FKBP11: variants seen among roughly 807,000 people sequenced by gnomAD.
The protein encoded by FKBP11 is peptidyl-prolyl cis-trans isomerase FKBP11.
A neutral mutation model predicts 24.7 loss-of-function variants in FKBP11; 21 were observed. The ratio of observed to expected loss-of-function variants is 0.85; its 90% CI spans 0.60 to 1.23. The LOEUF (loss-of-function observed/expected upper bound fraction) is 1.23. FKBP11 is among the 50% of genes most tolerant of loss of function. The pLI is 0.00. For synonymous variants in FKBP11, 106 were observed against 100.6 expected, an observed-to-expected ratio of 1.05 and a Z score of -0.32; for missense variants, 245 against 248.7, an observed-to-expected ratio of 0.99 and a Z score of 0.10.
At chr12:48,924,886 A>G in intron 2 of FKBP11, 160 bp downstream of exon 2, 1 of 1,444,606 alleles carries the variant, frequency 6.9e-7, no homozygotes, top group Non-Finnish European at 9.1e-7. Flanking sequence ...GAAAAGAGGC[A>G]CGGAAGAGCA....
At chr12:48,938,654 C>T in the FKBP11 span, 1 of 434,468 alleles carries the variant, frequency 2.3e-6, no homozygotes, top group Non-Finnish European at 4.4e-6. Context: ...CTCGACCTCC[C>T]GAAACCCAGA....
chr12:48,932,169 AT>A, the FKBP11 span, among the ~76,000 whole-genome samples: 3 of 59,332 alleles, frequency 5.1e-5, no homozygotes, highest in South Asian at 3.8e-4. Flanking sequence ...AAAAGTAAAA[AT>A]ATATATATAT....
chr12:48,938,252 A>G, the FKBP11 span: 2 of 383,346 alleles, frequency 5.2e-6, no homozygotes, highest in Non-Finnish European at 1.1e-5. Flanking sequence ...CTGTCCTATC[A>G]TCCAGAAAAA....
the FKBP11 span, chr12:48,938,522 T>C: frequency 4.4e-6 from 2 of 450,304 alleles, no homozygotes; most frequent in South Asian, 1.6e-5. Context: ...GCAATTTCCA[T>C]GTAAAACAGG....
chr12:48,932,253 ATATATATATTTTTTTTTTTTTT>A, the FKBP11 span, among the ~76,000 whole-genome samples: 9 of 38,472 alleles, frequency 2.3e-4, no homozygotes, highest in African/African-American at 5.1e-4. Flanking sequence ...ATATATATAT[ATATATATATTTTTTTTTTTTTT>A]TTTTTTTTTT....
the FKBP11 span, chr12:48,935,616 A>T: frequency 6.6e-6 from 1 of 152,222 alleles, no homozygotes; most frequent in South Asian, 2.1e-4. Flanking sequence ...CATTTGTGGG[A>T]TCTCTGGATG....
rs143955879 is a variant in FKBP11 at position 48,923,073 on chromosome 12, G to A, written c.388+709C>T. 574 of 855,534 alleles carry A rather than the reference G, an allele frequency of 6.7e-4. 5 individuals are homozygous for A. In the East Asian group the frequency reaches 0.014, roughly 20 times the overall value. 53.0% of individuals were successfully genotyped at this position (855,534 alleles called of 1,614,324 possible). On this transcript the variant is annotated intron_variant, in intron 5 of 5. Transcript: ENST00000550765. ...TGAGACAGGAGAATTGCTTGAACCCGGGTGGCGGAGGTTGTGGTGAGTGAA... is the reference window on the plus strand; with the variant it reads ...TGAGACAGGAGAATTGCTTGAACCCAGGTGGCGGAGGTTGTGGTGAGTGAA...
intron 1 of FKBP11, 75 bp from the exon 2 acceptor site, chr12:48,925,186 C>A (rs574935493): frequency 6.3e-7 from 1 of 1,590,312 alleles, no homozygotes; most frequent in South Asian, 1.1e-5. Flanking sequence ...GCACCACCCC[C>A]AACTCAGTTC....
chr12:48,923,339 A>T, intron 5 of FKBP11: 1 of 1,425,536 alleles, frequency 7.0e-7, no homozygotes, highest in Non-Finnish European at 9.1e-7. Context: ...TGGCTTTAAC[A>T]GTTGCTTTTT....
chr12:48,930,549 T>C (rs551461165), upstream of FKBP11, among the ~76,000 whole-genome samples: 9 of 152,338 alleles, frequency 5.9e-5, no homozygotes, highest in South Asian at 2.1e-4. Context: ...AAACAAGATA[T>C]ATAGCAATAC....
chr12:48,938,497 C>T, the FKBP11 span: 1 of 446,908 alleles, frequency 2.2e-6, no homozygotes, highest in Non-Finnish European at 4.5e-6. Context: ...TGCACGCAAA[C>T]ACAGAGAGGC....
upstream of FKBP11, among the ~76,000 whole-genome samples, chr12:48,928,217 A>T (rs541063643): frequency 3.0e-3 from 441 of 147,988 alleles, 6 homozygotes; most frequent in Non-Finnish European, 4.2e-3. Flanking sequence ...GCTAATTTTT[A>T]AATTTTTTGT....
upstream of FKBP11, among the ~76,000 whole-genome samples, chr12:48,930,177 G>T (rs1356647149): frequency 6.6e-6 from 1 of 152,190 alleles, no homozygotes; most frequent in African/African-American, 2.4e-5. Flanking sequence ...ATTAAAAGGA[G>T]ATCTAATTAC....
At chr12:48,938,216 G>A in the FKBP11 span, 2 of 361,322 alleles carry the variant, frequency 5.5e-6, no homozygotes, top group Admixed American at 3.5e-5. Flanking sequence ...AGAGTACAAG[G>A]AAAATGGTGG....
In FKBP11 at chr12:48,923,791, AT is replaced by A; in HGVS notation, c.378del (p.Ser127LeufsTer14). On this transcript the variant is annotated frameshift_variant, in exon 5 of 6. Transcript: ENST00000550765. LOFTEE classifies it high-confidence loss of function. ...HLAYGKRGFP[P>X]SVPADAVVQY... is the part of the protein sequence containing the mutation. ...GTCCTAGTCAGATTACCTGGGACAG[AT>A]GGTGGAAATCCCCGTTTTCCATAGG... The A allele has an allele frequency of 6.2e-7, 1 of 1,614,044 alleles. No homozygotes were observed. Among genetic ancestry groups the A allele is most frequent in the Non-Finnish European group, 8.5e-7 (1 of 1,179,886 alleles).
chr12:48,924,873 A>T, intron 2 of FKBP11, 173 bp downstream of exon 2: 1 of 1,443,198 alleles, frequency 6.9e-7, no homozygotes, highest in Non-Finnish European at 9.1e-7. Flanking sequence ...AAAAGCAAGG[A>T]GGGAAAAGAG....
chr12:48,924,386 T>C, intron 3 of FKBP11, 130 bp from the exon 4 acceptor site: 1 of 1,284,380 alleles, frequency 7.8e-7, no homozygotes, highest in Non-Finnish European at 1.1e-6. Flanking sequence ...TGGCTTCCAA[T>C]AGGATATGGG....
upstream of FKBP11, among the ~76,000 whole-genome samples, chr12:48,930,631 T>G (rs1485513978): frequency 6.6e-6 from 1 of 152,198 alleles, no homozygotes; most frequent in Non-Finnish European, 1.5e-5. Context: ...GGAAAAACTA[T>G]AAAAGTCCTT....
upstream of FKBP11, chr12:48,925,730 T>G: frequency 2.4e-6 from 1 of 422,570 alleles, no homozygotes. Context: ...TTACCTACTG[T>G]GTGTCAGGAG....
Sources: allele counts gnomAD v4.1 joint callset (sites outside exome capture counted in the v4.1 genomes callset), GRCh38; gene constraint gnomAD v4.1.1; transcripts MANE v1.5; gene names NCBI Gene and HGNC (gene_info 2026-07-23, HGNC 2026-07-21).